NTM: variants seen among roughly 807,000 people sequenced by gnomAD.
NTM encodes the protein neurotrimin, also known as IgLON family member 2.
Under a neutral mutation model 42.1 loss-of-function variants are expected in NTM, and 13 were observed. The ratio of observed to expected loss-of-function variants is 0.31; its 90% confidence interval spans 0.20 to 0.49. NTM has a LOEUF of 0.49. Among genes scored for constraint, NTM ranks in the 20% least tolerant of loss-of-function variants. The probability of loss-of-function intolerance (pLI) is 0.99; values close to 1 mark genes in which losing one functional copy is unlikely to be tolerated. For missense variants in NTM, 373 were observed against 452.8 expected, an observed-to-expected ratio of 0.82 and a Z score of 1.60; for synonymous variants, 187 against 179.2, an observed-to-expected ratio of 1.04 and a Z score of -0.35.
intron 2 of NTM, among the ~76,000 whole-genome samples, chr11:132,108,313 C>T (rs2062679474): frequency 6.6e-6 from 1 of 152,122 alleles, no homozygotes; most frequent in Non-Finnish European, 1.5e-5. Context: ...CTTGACTTTC[C>T]CTTGATACTC....
chr11:131,817,532 A>T (rs1425144282), intron 1 of NTM, among the ~76,000 whole-genome samples: 1 of 152,170 alleles, frequency 6.6e-6, no homozygotes, highest in Non-Finnish European at 1.5e-5. Context: ...CTCCCAGCAG[A>T]TTCACTGCTG....
chr11:131,374,272 C>T (rs1349247913), intron 1 of NTM, among the ~76,000 whole-genome samples: 1 of 152,198 alleles, frequency 6.6e-6, no homozygotes, highest in African/African-American at 2.4e-5. Context: ...TCACCTCCGC[C>T]CTTTGTATTA....
chr11:132,309,370 TCTC>T (rs1211432607), intron 5 of NTM, among the ~76,000 whole-genome samples: 1 of 152,176 alleles, frequency 6.6e-6, no homozygotes, highest in Non-Finnish European at 1.5e-5. Flanking sequence ...TTCAGGCAAT[TCTC>T]CTTGAATATT....
chr11:131,653,944 A>G (rs1473555018), intron 1 of NTM, among the ~76,000 whole-genome samples: 1 of 152,218 alleles, frequency 6.6e-6, no homozygotes, highest in Non-Finnish European at 1.5e-5. Context: ...TGTTTGCTCA[A>G]TATTTGTCGA....
chr11:131,574,093 G>A (rs1304665163), intron 1 of NTM, among the ~76,000 whole-genome samples: 6 of 152,296 alleles, frequency 3.9e-5, no homozygotes, highest in East Asian at 1.9e-4. Context: ...GGAGCTAGAC[G>A]CCCAGTGTGG....
At chr11:131,471,590 G>A (rs1236524921) in intron 1 of NTM, among the ~76,000 whole-genome samples, 2 of 152,216 alleles carry the variant, frequency 1.3e-5, no homozygotes, top group African/African-American at 2.4e-5. Flanking sequence ...TTAAAACTTA[G>A]GGAATGAGTG....
chr11:131,912,821 G>A (rs559674632), intron 2 of NTM, among the ~76,000 whole-genome samples: 1 of 152,274 alleles, frequency 6.6e-6, no homozygotes, highest in East Asian at 1.9e-4. Flanking sequence ...CTAGGATTGG[G>A]TTGTTTTGGA....
intron 2 of NTM, among the ~76,000 whole-genome samples, chr11:131,919,715 G>A (rs2056936682): frequency 6.9e-6 from 1 of 144,372 alleles, no homozygotes; most frequent in Non-Finnish European, 1.5e-5. Context: ...ATAGTATATA[G>A]TTATAACTTT....
intron 1 of NTM, among the ~76,000 whole-genome samples, chr11:131,376,807 C>T (rs747921114): frequency 3.9e-5 from 6 of 152,046 alleles, no homozygotes; most frequent in Non-Finnish European, 7.4e-5. Flanking sequence ...ATCTTGGAAG[C>T]GCCACCAAAC....
intron 1 of NTM, among the ~76,000 whole-genome samples, chr11:131,647,327 C>A (rs578049507): frequency 3.3e-5 from 5 of 152,294 alleles, no homozygotes; most frequent in Non-Finnish European, 7.4e-5. Flanking sequence ...CGCGGATGGA[C>A]ATCAATAGGT....
At chr11:131,969,570 A>G (rs909393270) in intron 2 of NTM, among the ~76,000 whole-genome samples, 8 of 152,162 alleles carry the variant, frequency 5.3e-5, no homozygotes, top group Admixed American at 2.0e-4. Flanking sequence ...TTCACTATGG[A>G]TTAGCCACAT....
At chr11:132,297,358 C>T (rs1029622148) in intron 4 of NTM, among the ~76,000 whole-genome samples, 4 of 152,290 alleles carry the variant, frequency 2.6e-5, no homozygotes, top group South Asian at 2.1e-4. Flanking sequence ...GGAAAGCCTG[C>T]GTTTTGCTCT....
intron 1 of NTM, among the ~76,000 whole-genome samples, chr11:131,789,636 A>AGAAGAAGGAG (rs1555127949): frequency 3.2e-5 from 1 of 30,900 alleles, no homozygotes; most frequent in Admixed American, 2.7e-4. Context: ...AAGAAGAAGA[A>AGAAGAAGGAG]AAGAAGAAGA....
intron 2 of NTM, among the ~76,000 whole-genome samples, chr11:132,097,427 T>A (rs372868577): frequency 6.6e-6 from 1 of 152,194 alleles, no homozygotes; most frequent in African/African-American, 2.4e-5. Flanking sequence ...AGGATGCTCC[T>A]GGGTGCTGAT....
intron 1 of NTM, among the ~76,000 whole-genome samples, chr11:131,687,548 C>T (rs1025360555): frequency 3.9e-5 from 6 of 152,224 alleles, no homozygotes; most frequent in Non-Finnish European, 7.3e-5. Context: ...CCTTGCCTGT[C>T]TTCCCTGTCC....
chr11:132,113,022 C>G (rs752837559), intron 2 of NTM, among the ~76,000 whole-genome samples: 3 of 152,170 alleles, frequency 2.0e-5, no homozygotes, highest in Non-Finnish European at 4.4e-5. Flanking sequence ...GAATCTACCC[C>G]AGTGAGATTC....
At chr11:132,291,686 A>G (rs768254696) in intron 4 of NTM, among the ~76,000 whole-genome samples, 2 of 152,222 alleles carry the variant, frequency 1.3e-5, no homozygotes, top group Admixed American at 6.5e-5. Flanking sequence ...ATTTTGAAGG[A>G]CTATCCAGAG....
chr11:132,007,772 C>T (rs994481554), intron 2 of NTM, among the ~76,000 whole-genome samples: 10 of 152,082 alleles, frequency 6.6e-5, no homozygotes, highest in African/African-American at 2.4e-4. Flanking sequence ...AACATAGAGT[C>T]CAACAGAGCT....
chr11:132,231,424 G>A (rs2087532975), intron 4 of NTM, among the ~76,000 whole-genome samples: 1 of 152,164 alleles, frequency 6.6e-6, no homozygotes, highest in South Asian at 2.1e-4. Flanking sequence ...ATGACTGCTT[G>A]TTGCTTTCTT....
Sources: allele counts gnomAD v4.1 joint callset (sites outside exome capture counted in the v4.1 genomes callset), GRCh38; gene constraint gnomAD v4.1.1; transcripts MANE v1.5; gene names NCBI Gene and HGNC (gene_info 2026-07-23, HGNC 2026-07-21).